BMP6: variants seen among roughly 807,000 people sequenced by gnomAD.
The protein encoded by BMP6 is VG-1-R.
Under a neutral mutation model 54.1 loss-of-function variants are expected in BMP6, and 17 were observed. That is an observed-to-expected ratio of 0.31 (90% CI 0.22 to 0.47). The LOEUF (loss-of-function observed/expected upper bound fraction) is 0.47. Ranked by LOEUF, BMP6 falls within the 20% of genes least tolerant of loss-of-function variation. The pLI is 1.00. For synonymous variants in BMP6, 328 were observed against 291.2 expected (o/e 1.13, Z -1.28); for missense variants, 720 against 690.4 (o/e 1.04, Z -0.48).
rs1757906307 is a variant in BMP6 at position 7,779,341 on chromosome 6, T to TA, written c.664+51725dup. Among the ~76,000 whole-genome samples the TA allele has an allele frequency of 8.0e-5, 12 of 150,798 alleles. 1 individual carries two copies. In the South Asian group the frequency reaches 2.5e-3, roughly 32 times the overall value. ...TTGTAAACTTATTTATTTTTTTTTT[T>TA]AAATTTCTTGAGATGGAGTCTCGCT... On this transcript the variant is annotated intron_variant, in intron 1 of 6. Transcript: ENST00000283147.
Position 7,753,054 on chromosome 6 carries a change from A to T in BMP6, c.664+25435A>T, listed in dbSNP as rs376752310. ...TTTACATTATATAATGGTAAGAGCA[A>T]TGCTGATGTTAAAAAAAAAATACTG... On this transcript the variant is annotated intron_variant, in intron 1 of 6. Coordinates refer to ENST00000283147, the MANE Select transcript of BMP6 (RefSeq NM_001718.6). 1.1e-4 allele frequency among the ~76,000 whole-genome samples: 17 copies of T among 151,936 alleles called. 2 individuals are homozygous for T. Among genetic ancestry groups the T allele is most frequent in the East Asian group, 7.7e-4 (4 of 5,170 alleles).
chr6:7,809,871 C>CGG (rs1758410423), intron 1 of BMP6, among the ~76,000 whole-genome samples: 1 of 152,132 alleles, frequency 6.6e-6, no homozygotes, highest in African/African-American at 2.4e-5. Context: ...TTATCAAAGA[C>CGG]AGCAAAATTA....
chr6:7,840,155 A>AT (rs1257546797), intron 1 of BMP6, among the ~76,000 whole-genome samples: 5 of 152,150 alleles, frequency 3.3e-5, no homozygotes, highest in Non-Finnish European at 7.3e-5. Context: ...TACATTTTCC[A>AT]TGTGAGCCTG....
At chr6:7,822,567 A>G (rs1186242245) in intron 1 of BMP6, among the ~76,000 whole-genome samples, 1 of 151,980 alleles carries the variant, frequency 6.6e-6, no homozygotes, top group Non-Finnish European at 1.5e-5. Flanking sequence ...CTATCCTGGG[A>G]GCGTGTGTAC....
intron 1 of BMP6, among the ~76,000 whole-genome samples, chr6:7,822,083 C>T (rs904930358): frequency 2.0e-4 from 31 of 152,014 alleles, no homozygotes; most frequent in African/African-American, 7.3e-4. Flanking sequence ...TGCAATGACA[C>T]GATCTCGGCT....
intron 1 of BMP6, among the ~76,000 whole-genome samples, chr6:7,793,596 T>A (rs1052766041): frequency 1.3e-5 from 2 of 152,052 alleles, no homozygotes; most frequent in Admixed American, 6.6e-5. Flanking sequence ...GATGTTGATA[T>A]GGGGGAGGCT....
chr6:7,793,055 C>T (rs994284287), intron 1 of BMP6, among the ~76,000 whole-genome samples: 1 of 150,768 alleles, frequency 6.6e-6, no homozygotes, highest in Non-Finnish European at 1.5e-5. Context: ...CCCACTTCTG[C>T]CTGATGGGAG....
intron 1 of BMP6, among the ~76,000 whole-genome samples, chr6:7,793,461 G>A (rs1373512785): frequency 6.6e-6 from 1 of 152,040 alleles, no homozygotes; most frequent in Non-Finnish European, 1.5e-5. Context: ...GTCATTATAC[G>A]GTTGCCCAAA....
At chr6:7,840,799 A>G (rs1758956544) in intron 1 of BMP6, among the ~76,000 whole-genome samples, 1 of 152,168 alleles carries the variant, frequency 6.6e-6, no homozygotes, top group South Asian at 2.1e-4. Flanking sequence ...GGTCCTTGAA[A>G]TTTAAAAATT....
intron 2 of BMP6, among the ~76,000 whole-genome samples, chr6:7,846,259 T>C (rs1174971943): frequency 1.3e-5 from 2 of 152,166 alleles, no homozygotes; most frequent in African/African-American, 2.4e-5. Context: ...CCGTAAGGGA[T>C]TTGTCAGATT....
At chr6:7,818,060 A>G (rs927435463) in intron 1 of BMP6, among the ~76,000 whole-genome samples, 45 of 152,240 alleles carry the variant, frequency 3.0e-4, no homozygotes, top group Non-Finnish European at 1.2e-4. Flanking sequence ...AAAGCATAAA[A>G]TAGACCAAAT....
rs186808827 is a variant in BMP6 at position 7,786,024 on chromosome 6, T to A, written c.664+58405T>A. Among the ~76,000 whole-genome samples the A allele has an allele frequency of 2.0e-5, 3 of 152,334 alleles. No individual in the cohort carries two copies. In the East Asian group the frequency reaches 5.8e-4, roughly 29 times the overall value. On this transcript the variant is annotated intron_variant, in intron 1 of 6. Transcript: ENST00000283147. ...GTTTCTTTGCCCTTGTATTAACGAA[T>A]GTGCCCCTGAAGAGTCTTGAAAATG...
At chr6:7,754,315 G>C (rs1427994773) in intron 1 of BMP6, among the ~76,000 whole-genome samples, 1 of 151,952 alleles carries the variant, frequency 6.6e-6, no homozygotes, top group Non-Finnish European at 1.5e-5. Context: ...GTCTCTCCAT[G>C]TTGCCTAGGT....
At chr6:7,853,530 A>G (rs984494210) in intron 2 of BMP6, among the ~76,000 whole-genome samples, 4 of 152,210 alleles carry the variant, frequency 2.6e-5, no homozygotes, top group Non-Finnish European at 5.9e-5. Context: ...CCCTTTTTAG[A>G]TACCTGAGAC....
At chr6:7,763,314 A>G (rs1757641413) in intron 1 of BMP6, among the ~76,000 whole-genome samples, 1 of 152,202 alleles carries the variant, frequency 6.6e-6, no homozygotes, top group Non-Finnish European at 1.5e-5. Context: ...ATTCATGTAA[A>G]AAGTCATGGT....
chr6:7,792,373 G>A (rs4960360), intron 1 of BMP6, among the ~76,000 whole-genome samples: 39,898 of 152,048 alleles, frequency 0.26, 5,978 homozygotes, highest in East Asian at 0.53. Context: ...CAGTTGACAC[G>A]TAAAACTGAC....
At chr6:7,766,626 T>G (rs2113148733) in intron 1 of BMP6, among the ~76,000 whole-genome samples, 1 of 152,130 alleles carries the variant, frequency 6.6e-6, no homozygotes, top group Non-Finnish European at 1.5e-5. Flanking sequence ...TCATAAAAAA[T>G]AAAATAAATA....
intron 1 of BMP6, among the ~76,000 whole-genome samples, chr6:7,732,336 A>G (rs1422234784): frequency 6.6e-6 from 1 of 152,242 alleles, no homozygotes; most frequent in Non-Finnish European, 1.5e-5. Context: ...AACAAAAAAA[A>G]GTTGTACAAA....
Position 7,880,543 on chromosome 6 carries a change from G to A in BMP6, c.*200G>A, listed in dbSNP as rs1581298407. The A allele has an allele frequency of 1.0e-5, 7 of 687,080 alleles. No individual in the cohort carries two copies. Among genetic ancestry groups the A allele is most frequent in the South Asian group, 1.9e-5 (1 of 51,316 alleles). 42.6% of individuals were successfully genotyped at this position (687,080 alleles called of 1,614,324 possible). On this transcript the variant is annotated 3_prime_UTR_variant, in exon 7 of 7. Transcript: ENST00000283147. ...TGGTAAATGACGTGAGTAGTTGTTG[G>A]TCTGTAGCAAGCTGAGTTTGGATGT... is the stretch of plus-strand genomic sequence containing the variant.
Sources: allele counts gnomAD v4.1 joint callset (sites outside exome capture counted in the v4.1 genomes callset), GRCh38; gene constraint gnomAD v4.1.1; transcripts MANE v1.5; gene names NCBI Gene and HGNC (gene_info 2026-07-23, HGNC 2026-07-21).